Variants in KCNQ1 observed in about 807,000 individuals in gnomAD.
The protein encoded by KCNQ1 is potassium voltage-gated channel subfamily Q member 1, also known as potassium voltage-gated channel subfamily KQT member 1.
A neutral mutation model predicts 72.4 loss-of-function variants in KCNQ1; 49 were observed. The observed-to-expected ratio is 0.68, with a 90% CI of 0.54 to 0.86. The LOEUF is 0.86. Ranked by LOEUF, KCNQ1 falls within the 40% of genes least tolerant of loss-of-function variation. KCNQ1 has a pLI of 0.00. For missense variants in KCNQ1, 790 were observed against 945.1 expected, an observed-to-expected ratio of 0.84 and a Z score of 2.15; for synonymous variants, 450 against 412.6, an observed-to-expected ratio of 1.09 and a Z score of -1.10.
In KCNQ1 at chr11:2,704,287, T is replaced by G. The variant is rs2133910060; in HGVS notation, c.1514+42206T>G. ...TGTGTCGCCTGCACCTGCATTCCAC[T>G]GGGGCTTCCCTTCCAACTTGATGGT... On this transcript the variant is annotated intron_variant, in intron 11 of 15. Coordinates refer to ENST00000155840, the MANE Select transcript of KCNQ1 (RefSeq NM_000218.3). The surrounding 1 kb of genome is among the most constrained non-coding windows in gnomAD (Gnocchi z 4.3). Among the ~76,000 whole-genome samples the G allele has an allele frequency of 6.6e-6, 1 of 152,352 alleles. No homozygotes were observed.
At chr11:2,469,685 T>A (rs886309177) in intron 1 of KCNQ1, among the ~76,000 whole-genome samples, 1 of 152,040 alleles carries the variant, frequency 6.6e-6, no homozygotes, top group African/African-American at 2.4e-5. Context: ...TTTTTTTTTC[T>A]TTTTTTGAGA....
chr11:2,699,275 G>A (rs1850730865), intron 11 of KCNQ1: 1 of 398,870 alleles, frequency 2.5e-6, no homozygotes, highest in East Asian at 3.6e-5. Flanking sequence ...GCCCAGGCCA[G>A]GCTGCACTGC....
chr11:2,825,713 G>A (rs755040942), intron 15 of KCNQ1, among the ~76,000 whole-genome samples: 15 of 152,340 alleles, frequency 9.8e-5, no homozygotes, highest in Non-Finnish European at 1.3e-4. Context: ...GCGGAGCTGC[G>A]CGGGGGCAGC....
intron 11 of KCNQ1, among the ~76,000 whole-genome samples, chr11:2,757,578 A>C (rs1397922206): frequency 6.6e-6 from 1 of 152,260 alleles, no homozygotes; most frequent in Non-Finnish European, 1.5e-5. Flanking sequence ...ACTTGTTCTA[A>C]AATCTATATG....
rs1849185845 is a variant in KCNQ1, at chr11:2,622,247, T to A, written c.1393+33393T>A. 1.5e-5 allele frequency: 6 copies of A among 398,392 alleles called. No individual in the cohort carries two copies. In the East Asian group the frequency reaches 2.1e-4, roughly 14 times the overall value. The allele number at this position is 398,392 out of a possible 1,614,324, so 24.7% of individuals were successfully genotyped here. On this transcript the variant is annotated intron_variant, in intron 10 of 15. Coordinates refer to ENST00000155840, the MANE Select transcript of KCNQ1 (RefSeq NM_000218.3). Reference sequence around the variant, plus strand: ...CTGGGGCTCTATATTTTGGTGTGTATACGTTTCCAATTGCGAAGTCTTGAG... The same window carrying A: ...CTGGGGCTCTATATTTTGGTGTGTAAACGTTTCCAATTGCGAAGTCTTGAG...
In KCNQ1 at chr11:2,752,125, G is replaced by A. The variant is rs1457622894; in HGVS notation, c.1515-16719G>A. On this transcript the variant is annotated intron_variant, in intron 11 of 15. Transcript: ENST00000155840. The surrounding 1 kb of genome is among the most constrained non-coding windows in gnomAD (Gnocchi z 5.2). ...ACAAGACTGTTTGTAGCCGAGCTTG[G>A]GAGTTGTGTTGTGTAGTGTTGACTT... Among the ~76,000 whole-genome samples the A allele has an allele frequency of 6.6e-6, 1 of 152,352 alleles. No homozygotes were observed. Among genetic ancestry groups the A allele is most frequent in the East Asian group, 1.9e-4 (1 of 5,186 alleles).
chr11:2,843,163 A>C (rs371251988), intron 15 of KCNQ1, among the ~76,000 whole-genome samples: 1 of 152,190 alleles, frequency 6.6e-6, no homozygotes. Flanking sequence ...GCAGCGAGAA[A>C]CACGGTCGAC....
Position 2,493,364 on chromosome 11 carries a change from ATTT to A in KCNQ1, c.387-34563_387-34561del, listed in dbSNP as rs1310725233. On this transcript the variant is annotated intron_variant, in intron 1 of 15. Transcript: ENST00000155840. This position sits in a 1 kb window ranked among gnomAD's most constrained non-coding sequence, Gnocchi z 5.3. Reference sequence around the variant, plus strand: ...AAGCTCTTTAGTTTAATTAGATCCCATTTGTCAATTTTGGCTTTTGTTGCAATT... The same window carrying A: ...AAGCTCTTTAGTTTAATTAGATCCCAGTCAATTTTGGCTTTTGTTGCAATT... Among the ~76,000 whole-genome samples the A allele has an allele frequency of 2.0e-5, 3 of 151,962 alleles. No individual in the cohort carries two copies. The highest frequency in any genetic ancestry group is 4.4e-5 in the Non-Finnish European group (3 of 67,984).
intron 5 of KCNQ1, 37 bp from the exon 6 acceptor site, chr11:2,572,809 G>C (rs1564821066): frequency 1.9e-6 from 3 of 1,613,082 alleles, no homozygotes; most frequent in Non-Finnish European, 2.5e-6. Context: ...CCAGCCTGCG[G>C]TTCCTGGAGC....
rs1834254346 is a variant in KCNQ1, at chr11:2,724,073, G to C, written c.1515-44771G>C. On this transcript the variant is annotated intron_variant, in intron 11 of 15. Transcript: ENST00000155840. This position sits in a 1 kb window ranked among gnomAD's most constrained non-coding sequence, Gnocchi z 6.8. ...ACCACCTCTGCACACAGCCCCTCCG[G>C]TGGTGCCTGGGGGCCCAGGCTTTTG... Among the ~76,000 whole-genome samples, 1 of 152,158 alleles carries C rather than the reference G, an allele frequency of 6.6e-6. No homozygotes were observed. Among genetic ancestry groups the C allele is most frequent in the Non-Finnish European group, 1.5e-5 (1 of 68,024 alleles).
Position 2,471,988 on chromosome 11 carries a change from GTA to G in KCNQ1, c.386+26507_386+26508del, listed in dbSNP as rs543042141. On this transcript the variant is annotated intron_variant, in intron 1 of 15. Coordinates refer to ENST00000155840, the MANE Select transcript of KCNQ1 (RefSeq NM_000218.3). This position sits in a 1 kb window ranked among gnomAD's most constrained non-coding sequence, Gnocchi z 4.8. ...TATATGGGTGTGTGTGCACCTATGT[GTA>G]TAAGTGTGTGTGCACATGTGTATAG... Among the ~76,000 whole-genome samples the G allele has an allele frequency of 5.9e-5, 9 of 152,062 alleles. No homozygotes were observed. The highest frequency in any genetic ancestry group is 1.9e-4 in the African/African-American group (8 of 41,442).
In KCNQ1 at chr11:2,620,934, TG is replaced by T. The variant is rs1256788281; in HGVS notation, c.1393+32081del. The T allele has an allele frequency of 2.7e-5, 9 of 333,676 alleles. No homozygotes were observed. The highest frequency in any genetic ancestry group is 3.5e-5 in the Non-Finnish European group (7 of 201,262). The allele number at this position is 333,676 out of a possible 1,614,324, so 20.7% of individuals were successfully genotyped here. A position where few individuals can be genotyped will look rare whatever the true frequency, so the allele number is the denominator to read the frequency against. The stretch of plus-strand genomic sequence containing the variant: ...TTATGGTTTGGTGTTTTTTTGTTGT[TG>T]TTGTTTTGTTTTGTTTTTTTTTGTC... On this transcript the variant is annotated intron_variant, in intron 10 of 15. Coordinates refer to ENST00000155840, the MANE Select transcript of KCNQ1 (RefSeq NM_000218.3). The surrounding 1 kb of genome is among the most constrained non-coding windows in gnomAD (Gnocchi z 4.5).
chr11:2,791,142 G>T (rs1847013733), intron 15 of KCNQ1, among the ~76,000 whole-genome samples: 1 of 152,250 alleles, frequency 6.6e-6, no homozygotes, highest in African/African-American at 2.4e-5. Flanking sequence ...GTCAACTTCT[G>T]TGAGTGCAAC....
chr11:2,675,162 T>G (rs1850270165), intron 11 of KCNQ1: 2 of 398,498 alleles, frequency 5.0e-6, no homozygotes, highest in Non-Finnish European at 8.8e-6. Flanking sequence ...GAGGTAGTGC[T>G]CTAGCGGGGA....
chr11:2,635,202 A>C lies in KCNQ1; in HGVS notation c.1394-26759A>C, dbSNP rs112061258. On this transcript the variant is annotated intron_variant, in intron 10 of 15. Coordinates refer to ENST00000155840, the MANE Select transcript of KCNQ1 (RefSeq NM_000218.3). ...TTAGTTTAATTAGATCCCATTTGTC[A>C]ATTTTGGCTTTTGTTGCCATTGCTT... 21 of 152,114 alleles carry C rather than the reference A, an allele frequency of 1.4e-4. No homozygotes were observed. In the South Asian group the frequency reaches 4.1e-3, roughly 30 times the overall value. The allele number at this position is 152,114 out of a possible 1,614,324, so 9.4% of individuals were successfully genotyped here.
chr11:2,733,165 G>A (rs1230291521), intron 11 of KCNQ1, among the ~76,000 whole-genome samples: 1 of 152,036 alleles, frequency 6.6e-6, no homozygotes, highest in African/African-American at 2.4e-5. Flanking sequence ...CGCAGCTGGG[G>A]TCTGAAGAGC....
intron 11 of KCNQ1, among the ~76,000 whole-genome samples, chr11:2,743,030 C>A (rs151156984): frequency 6.6e-6 from 1 of 152,212 alleles, no homozygotes; most frequent in African/African-American, 2.4e-5. Context: ...TGAACCCACT[C>A]GTGAATTTTT....
intron 12 of KCNQ1, among the ~76,000 whole-genome samples, chr11:2,773,805 C>T (rs118041817): frequency 0.017 from 2,522 of 149,862 alleles, 116 homozygotes; most frequent in East Asian, 0.13. Flanking sequence ...CAGAAGGGAG[C>T]TTAGCATCTC....
intron 12 of KCNQ1, among the ~76,000 whole-genome samples, chr11:2,770,860 A>G (rs963779805): frequency 6.6e-6 from 1 of 152,230 alleles, no homozygotes; most frequent in African/African-American, 2.4e-5. Flanking sequence ...TGGCAGCACC[A>G]GTGCTCTCCC....
Sources: gnomAD v4.1 joint callset for allele counts (sites outside exome capture counted in the v4.1 genomes callset) on GRCh38, gnomAD v4.1.1 for gene constraint, Gnocchi (gnomAD v3.1) non-coding constraint, MANE v1.5 for transcripts, NCBI Gene and HGNC (gene_info 2026-07-23, HGNC 2026-07-21) for gene names.